The following ARHGEF7 variants were observed in gnomAD, a reference collection of about 807,000 sequenced individuals.
ARHGEF7 encodes Rho guanine nucleotide exchange factor 7.
In ARHGEF7, 33 loss-of-function variants were observed where a neutral mutation model predicts 109.8. The ratio of observed to expected loss-of-function variants is 0.30; its 90% CI spans 0.23 to 0.40. The LOEUF (loss-of-function observed/expected upper bound fraction) is 0.40. ARHGEF7 is among the 10% of genes least tolerant of loss of function. The pLI is 1.00. For missense variants in ARHGEF7, 938 were observed against 1,098.5 expected (o/e 0.85, Z 2.07); for synonymous variants, 458 against 424.6 (o/e 1.08, Z -0.97).
intron 16 of ARHGEF7, among the ~76,000 whole-genome samples, chr13:111,283,579 C>A (rs370118562): frequency 1.3e-3 from 201 of 152,372 alleles, no homozygotes; most frequent in African/African-American, 4.6e-3. Flanking sequence ...GGTCCCCCTC[C>A]TTTCTGCCAT....
In ARHGEF7 at chr13:111,272,357, C is replaced by T. The variant is rs888611195; in HGVS notation, c.1074-1457C>T. Reference sequence around the variant, plus strand: ...GGAGCCCTTGATGGTTCTGGTGTCCCCGAGACCTCTGGCAGTAGCCAGCTT... The same window carrying T: ...GGAGCCCTTGATGGTTCTGGTGTCCTCGAGACCTCTGGCAGTAGCCAGCTT... On this transcript the variant is annotated intron_variant, in intron 9 of 21. Transcript: ENST00000646102. The surrounding 1 kb of genome is among the most constrained non-coding windows in gnomAD (Gnocchi z 5.2). Among the ~76,000 whole-genome samples the T allele has an allele frequency of 1.3e-5, 2 of 152,172 alleles. No individual in the cohort carries two copies. The highest frequency in any genetic ancestry group is 2.9e-5 in the Non-Finnish European group (2 of 68,030).
chr13:111,283,843 G>T (rs1015949904), intron 16 of ARHGEF7, among the ~76,000 whole-genome samples: 1 of 152,140 alleles, frequency 6.6e-6, no homozygotes, highest in African/African-American at 2.4e-5. Flanking sequence ...AATCACTTAG[G>T]CGGTTTCCCC....
chr13:111,210,709 C>T (rs188509757), intron 4 of ARHGEF7, among the ~76,000 whole-genome samples: 2 of 152,328 alleles, frequency 1.3e-5, no homozygotes, highest in Non-Finnish European at 2.9e-5. Context: ...CTGCACCCTT[C>T]TCTGAGCTGC....
chr13:111,278,234 G>A (rs964274508), intron 13 of ARHGEF7, among the ~76,000 whole-genome samples: 12 of 152,298 alleles, frequency 7.9e-5, no homozygotes, highest in Middle Eastern at 3.4e-3. Context: ...TTTCTGTTGC[G>A]ACAGTGGTTT....
chr13:111,116,778 C>A (rs999314743), intron 1 of ARHGEF7, among the ~76,000 whole-genome samples: 1 of 152,178 alleles, frequency 6.6e-6, no homozygotes, highest in South Asian at 2.1e-4. Flanking sequence ...TTTTCATTCA[C>A]ATGTACATAT....
At chr13:111,261,232 A>G (rs908314434) in intron 8 of ARHGEF7, among the ~76,000 whole-genome samples, 2 of 152,164 alleles carry the variant, frequency 1.3e-5, no homozygotes, top group Admixed American at 6.5e-5. Context: ...AAAAAACCCA[A>G]TGATCTATAA....
chr13:111,156,573 C>T (rs1008978286), intron 2 of ARHGEF7, among the ~76,000 whole-genome samples: 2 of 152,228 alleles, frequency 1.3e-5, no homozygotes, highest in Non-Finnish European at 2.9e-5. Flanking sequence ...ATTTTGTATG[C>T]TATGCATCCA....
intron 19 of ARHGEF7, chr13:111,294,957 A>G (rs1057267401): frequency 3.0e-6 from 3 of 985,000 alleles, no homozygotes; most frequent in Admixed American, 6.1e-5. Flanking sequence ...ATGTGTATAT[A>G]GTGGTATAAG....
At chr13:111,267,800 A>T in intron 9 of ARHGEF7, 130 bp downstream of exon 9, 1 of 1,166,520 alleles carries the variant, frequency 8.6e-7, no homozygotes, top group Non-Finnish European at 1.2e-6. Context: ...ACCCCTCAAA[A>T]TTAGTGCTTG....
intron 5 of ARHGEF7, among the ~76,000 whole-genome samples, chr13:111,225,788 A>G (rs953987952): frequency 1.4e-4 from 22 of 152,192 alleles, no homozygotes; most frequent in Admixed American, 1.4e-3. Flanking sequence ...CTGACCGGGA[A>G]TTCCCCATGT....
chr13:111,293,446 A>G, intron 19 of ARHGEF7: 6 of 985,306 alleles, frequency 6.1e-6, no homozygotes, highest in Non-Finnish European at 7.2e-6. Flanking sequence ...TAAAAAAAAA[A>G]AAAAAAAACT....
Position 111,153,981 on chromosome 13 carries a change from T to C in ARHGEF7, c.242T>C (p.Leu81Pro). ...TTCCTGCGCGGCTGCGGGGCTTCCC[T>C]GCGGCTGGAGGTGAGCGCGGGCGGC... ...REFLRGCGAS[L>P]RLETFDANDL... Residue 81 changes from leucine to proline, a missense_variant, in exon 2 of 22, where the codon CTG becomes CCG. Physicochemically the swap from Leu to Pro is moderately conservative, Grantham distance 98. Around this residue, in one of 4 missense-constraint regions of ARHGEF7, gnomAD observed 165 missense variants for 125.8 expected, o/e 1.31. Coordinates refer to ENST00000646102, the MANE Select transcript of ARHGEF7 (RefSeq NM_001354046.2). 1.9e-6 allele frequency: 3 copies of C among 1,601,888 alleles called. No homozygotes were observed. The highest frequency in any genetic ancestry group is 2.6e-6 in the Non-Finnish European group (3 of 1,176,442).
chr13:111,222,037 G>T (rs1184101888), intron 5 of ARHGEF7, among the ~76,000 whole-genome samples: 6 of 152,120 alleles, frequency 3.9e-5, no homozygotes, highest in Non-Finnish European at 8.8e-5. Context: ...ATATTTGCTG[G>T]AAGCTGATTA....
chr13:111,197,701 C>A (rs2080698438), intron 2 of ARHGEF7, among the ~76,000 whole-genome samples: 1 of 152,168 alleles, frequency 6.6e-6, no homozygotes, highest in Admixed American at 6.5e-5. Context: ...GTTAGGCCTG[C>A]TTGTCTGAGT....
At chr13:111,153,855 G>A in intron 1 of ARHGEF7, 50 bp from the exon 2 acceptor site, 1 of 1,573,704 alleles carries the variant, frequency 6.4e-7, no homozygotes. Context: ...CTTGTCCGCG[G>A]CGTCCCCGCT....
At chr13:111,166,958 T>A (rs2077179019) in intron 2 of ARHGEF7, among the ~76,000 whole-genome samples, 1 of 152,218 alleles carries the variant, frequency 6.6e-6, no homozygotes, top group Admixed American at 6.5e-5. Context: ...TCAAAGAGAA[T>A]GAAGGAATAC....
At chr13:111,200,181 C>T (rs1442101278) in intron 2 of ARHGEF7, among the ~76,000 whole-genome samples, 4 of 152,106 alleles carry the variant, frequency 2.6e-5, no homozygotes, top group Non-Finnish European at 4.4e-5. Context: ...CCTTGGGCTG[C>T]GGCCTCTCTG....
At chr13:111,251,933 T>C (rs1424920794) in intron 8 of ARHGEF7, among the ~76,000 whole-genome samples, 1 of 152,202 alleles carries the variant, frequency 6.6e-6, no homozygotes, top group Non-Finnish European at 1.5e-5. Context: ...TTTTGTAGCT[T>C]ATATGACTTT....
At chr13:111,215,943 T>A (rs544737901) in intron 4 of ARHGEF7, among the ~76,000 whole-genome samples, 12 of 152,324 alleles carry the variant, frequency 7.9e-5, no homozygotes, top group Admixed American at 1.3e-4. Flanking sequence ...AGCACATTTT[T>A]AACTCCTTCA....
Sources: allele counts gnomAD v4.1 joint callset (sites outside exome capture counted in the v4.1 genomes callset), GRCh38; gene constraint gnomAD v4.1.1; regional missense constraint gnomAD v4.1.1; non-coding constraint Gnocchi (gnomAD v3.1); transcripts MANE v1.5; gene names NCBI Gene and HGNC (gene_info 2026-07-23, HGNC 2026-07-21).